Variants in ZNF385B observed in about 807,000 individuals in gnomAD.
ZNF385B encodes the protein zinc finger protein 533.
Under a neutral mutation model 39.2 loss-of-function variants are expected in ZNF385B, and 23 were observed. That is an observed-to-expected ratio of 0.59 (90% CI 0.42 to 0.83). The LOEUF is 0.83. Among genes scored for constraint, ZNF385B ranks in the 40% least tolerant of loss-of-function variants. ZNF385B has a pLI of 0.00. For synonymous variants in ZNF385B, 205 were observed against 222.6 expected (o/e 0.92, Z 0.70); for missense variants, 552 against 598.9 (o/e 0.92, Z 0.82).
At chr2:179,551,439 G>T (rs2060561694) in intron 3 of ZNF385B, among the ~76,000 whole-genome samples, 1 of 146,886 alleles carries the variant, frequency 6.8e-6, no homozygotes, top group African/African-American at 2.6e-5. Context: ...CGAAGGTGTG[G>T]GCCAAGCTGG....
intron 6 of ZNF385B, among the ~76,000 whole-genome samples, chr2:179,479,979 T>A (rs139561150): frequency 6.6e-6 from 1 of 152,300 alleles, no homozygotes; most frequent in Non-Finnish European, 1.5e-5. Flanking sequence ...TCCTGGCTAT[T>A]CCCTCTCTTT....
intron 3 of ZNF385B, among the ~76,000 whole-genome samples, chr2:179,764,383 G>GT (rs201234465): frequency 1.5e-4 from 23 of 150,110 alleles, no homozygotes; most frequent in East Asian, 7.8e-4. Flanking sequence ...ATATAGTTGG[G>GT]TTTTTTTTTA....
intron 5 of ZNF385B, among the ~76,000 whole-genome samples, chr2:179,493,588 C>T (rs1038187027): frequency 8.1e-6 from 1 of 122,750 alleles, no homozygotes; most frequent in Non-Finnish European, 1.8e-5. Context: ...TGTATGTGTA[C>T]ATATATGCGT....
intron 3 of ZNF385B, among the ~76,000 whole-genome samples, chr2:179,568,326 G>A (rs1444488705): frequency 6.6e-6 from 1 of 152,108 alleles, no homozygotes; most frequent in Non-Finnish European, 1.5e-5. Context: ...TCTCTAAAAT[G>A]ATCATGTTTT....
At chr2:179,547,669 T>C (rs1277024194) in intron 3 of ZNF385B, among the ~76,000 whole-genome samples, 2 of 149,626 alleles carry the variant, frequency 1.3e-5, no homozygotes, top group Non-Finnish European at 3.0e-5. Context: ...AGTTTTGTTC[T>C]TTTTGTTTAG....
At chr2:179,537,078 A>G (rs2059611267) in intron 4 of ZNF385B, among the ~76,000 whole-genome samples, 1 of 151,758 alleles carries the variant, frequency 6.6e-6, no homozygotes, top group Non-Finnish European at 1.5e-5. Context: ...TGGGAGGCTG[A>G]GGCGGGAGGA....
At chr2:179,601,065 G>A (rs1320089170) in intron 3 of ZNF385B, among the ~76,000 whole-genome samples, 2 of 152,300 alleles carry the variant, frequency 1.3e-5, no homozygotes, top group South Asian at 2.1e-4. Context: ...ATGAATGAAT[G>A]CATATAACCC....
At chr2:179,608,442 T>G (rs1274664844) in intron 3 of ZNF385B, among the ~76,000 whole-genome samples, 1 of 152,192 alleles carries the variant, frequency 6.6e-6, no homozygotes, top group Non-Finnish European at 1.5e-5. Context: ...CAAACCCACC[T>G]GCTGAGTGAC....
chr2:179,837,806 C>T (rs1020918014), intron 1 of ZNF385B, among the ~76,000 whole-genome samples: 7 of 152,036 alleles, frequency 4.6e-5, no homozygotes, highest in East Asian at 1.9e-4. Flanking sequence ...TAAAATAAGG[C>T]GTGTAATCTA....
chr2:179,652,333 T>C (rs1328444594), intron 3 of ZNF385B, among the ~76,000 whole-genome samples: 1 of 152,178 alleles, frequency 6.6e-6, no homozygotes, highest in Admixed American at 6.6e-5. Context: ...ACCTCCCTAA[T>C]TCACAGTCAC....
rs142628997 is a variant in ZNF385B, at chr2:179,476,183, G to C, written c.715+7089C>G. ...AGAGAATTCTTCCTGAAGCAAGTAA[G>C]TAGAGTGTCATAAAAATGTAAGTAA... On this transcript the variant is annotated intron_variant, in intron 6 of 9. Coordinates refer to ENST00000410066, the MANE Select transcript of ZNF385B (RefSeq NM_152520.6). Among the ~76,000 whole-genome samples the C allele has an allele frequency of 9.1e-3, 1,380 of 152,210 alleles. 10 individuals are homozygous for C. The highest frequency in any genetic ancestry group is 0.014 in the Non-Finnish European group (948 of 68,004).
chr2:179,535,638 T>C (rs1306589293), intron 4 of ZNF385B, among the ~76,000 whole-genome samples: 1 of 152,240 alleles, frequency 6.6e-6, no homozygotes, highest in Non-Finnish European at 1.5e-5. Context: ...CCTCTGATAC[T>C]AGAATTTCAT....
intron 3 of ZNF385B, among the ~76,000 whole-genome samples, chr2:179,573,534 ATATT>A (rs1250403618): frequency 6.6e-6 from 1 of 152,130 alleles, no homozygotes; most frequent in Non-Finnish European, 1.5e-5. Context: ...ATATTGATGA[ATATT>A]TGTTTGTTTT....
chr2:179,467,701 C>T (rs570736293), intron 6 of ZNF385B, among the ~76,000 whole-genome samples: 13 of 151,718 alleles, frequency 8.6e-5, no homozygotes, highest in South Asian at 2.1e-4. Flanking sequence ...TAATTAGCTA[C>T]ATTTATGTCT....
intron 3 of ZNF385B, among the ~76,000 whole-genome samples, chr2:179,675,033 T>C (rs752218797): frequency 6.6e-6 from 1 of 152,192 alleles, no homozygotes; most frequent in Non-Finnish European, 1.5e-5. Context: ...GCAACCCCCA[T>C]GCAGTCAAAA....
intron 1 of ZNF385B, among the ~76,000 whole-genome samples, chr2:179,773,159 T>C (rs1704111652): frequency 6.6e-6 from 1 of 152,148 alleles, no homozygotes; most frequent in African/African-American, 2.4e-5. Context: ...TGTTATCCAA[T>C]TGTTTTCTAT....
intron 5 of ZNF385B, among the ~76,000 whole-genome samples, chr2:179,506,049 A>T (rs1181084668): frequency 6.6e-6 from 1 of 152,080 alleles, no homozygotes; most frequent in Non-Finnish European, 1.5e-5. Context: ...AATACAGAGA[A>T]CTTGTAGTTA....
chr2:179,813,028 TTTA>T (rs1312538784), intron 1 of ZNF385B, among the ~76,000 whole-genome samples: 2 of 152,188 alleles, frequency 1.3e-5, no homozygotes, highest in Non-Finnish European at 2.9e-5. Flanking sequence ...TTTGTTAATT[TTTA>T]TTGTGTGGAA....
chr2:179,449,267 T>G (rs1477608202), intron 6 of ZNF385B, among the ~76,000 whole-genome samples: 1 of 152,050 alleles, frequency 6.6e-6, no homozygotes, highest in African/African-American at 2.4e-5. Context: ...GAATGAGACA[T>G]TTTTCATTAA....
Sources: gnomAD v4.1 joint callset for allele counts (sites outside exome capture counted in the v4.1 genomes callset) on GRCh38, gnomAD v4.1.1 for gene constraint, MANE v1.5 for transcripts, NCBI Gene and HGNC (gene_info 2026-07-23, HGNC 2026-07-21) for gene names.